Variants in SHISA9 observed in about 807,000 individuals in gnomAD.
SHISA9 encodes the protein protein shisa-9.
Under a neutral mutation model 38.0 loss-of-function variants are expected in SHISA9, and 13 were observed. The ratio of observed to expected loss-of-function variants is 0.34; its 90% confidence interval spans 0.22 to 0.54. SHISA9 has a LOEUF of 0.54. SHISA9 is among the 20% of genes least tolerant of loss of function. The probability of loss-of-function intolerance (pLI) is 0.91; values close to 1 mark genes in which losing one functional copy is unlikely to be tolerated. For missense variants in SHISA9, 538 were observed against 575.8 expected, an observed-to-expected ratio of 0.93 and a Z score of 0.67; for synonymous variants, 275 against 242.0, an observed-to-expected ratio of 1.14 and a Z score of -1.27.
At chr16:13,493,939 A>G in the SHISA9 span, among the ~76,000 whole-genome samples, 40,184 of 150,610 alleles carry the variant, frequency 0.27, 5,711 homozygotes, top group East Asian at 0.42. Context: ...GACTCAGTTT[A>G]CCCCAAGGGC....
At chr16:13,007,735 C>A (rs1302171280) in intron 2 of SHISA9, among the ~76,000 whole-genome samples, 1 of 152,190 alleles carries the variant, frequency 6.6e-6, no homozygotes, top group Non-Finnish European at 1.5e-5. Context: ...AGCCTGAAAC[C>A]CTTTGCTTAT....
chr16:13,186,169 G>A (rs909093368), intron 2 of SHISA9, among the ~76,000 whole-genome samples: 10 of 151,516 alleles, frequency 6.6e-5, no homozygotes, highest in African/African-American at 2.4e-4. Context: ...AATAATGCCT[G>A]GTTTATTGAA....
intron 2 of SHISA9, among the ~76,000 whole-genome samples, chr16:13,177,431 C>A (rs1408603646): frequency 6.6e-6 from 1 of 152,102 alleles, no homozygotes; most frequent in Non-Finnish European, 1.5e-5. Context: ...CAAAGTATTG[C>A]CACTGTATAC....
At chr16:13,086,183 C>T (rs2073708117) in intron 2 of SHISA9, among the ~76,000 whole-genome samples, 1 of 151,802 alleles carries the variant, frequency 6.6e-6, no homozygotes, top group Non-Finnish European at 1.5e-5. Flanking sequence ...TGATGAAACC[C>T]TGTCTCTACT....
At chr16:13,531,775 G>A in the SHISA9 span, among the ~76,000 whole-genome samples, 1 of 152,174 alleles carries the variant, frequency 6.6e-6, no homozygotes, top group Non-Finnish European at 1.5e-5. Context: ...GTGGGGCGGT[G>A]TGGGGGGCAG....
At chr16:13,461,772 C>T in the SHISA9 span, among the ~76,000 whole-genome samples, 12 of 151,336 alleles carry the variant, frequency 7.9e-5, no homozygotes, top group African/African-American at 2.9e-4. Flanking sequence ...CGCCACCACG[C>T]CCAGCTAATT....
rs1371990179 is a variant in SHISA9, at chr16:13,235,352, C to G, written c.1218C>G (p.His406Gln). Residue 406 changes from histidine to glutamine, a missense_variant, in exon 5 of 5, where the codon CAC becomes CAG. This residue lies in a region of SHISA9 where 326 missense variants were observed against 305.9 expected (regional missense o/e 1.07). Transcript: ENST00000558583. ...SSDPLGTRPQ[H>Q]YPPPQPYFIT... The stretch of plus-strand genomic sequence containing the variant: ...ACCCCTTGGGAACTCGCCCCCAGCA[C>G]TACCCACCCCCACAGCCATACTTCA... The G allele has an allele frequency of 1.9e-6, 3 of 1,542,870 alleles. No homozygotes were observed. The highest frequency in any genetic ancestry group is 2.6e-6 in the Non-Finnish European group (3 of 1,146,990).
At chr16:13,323,513 G>A in the SHISA9 span, among the ~76,000 whole-genome samples, 12 of 152,272 alleles carry the variant, frequency 7.9e-5, no homozygotes, top group African/African-American at 2.2e-4. Context: ...TCCAAGACTC[G>A]TATTGAAATA....
chr16:13,365,092 C>G, the SHISA9 span, among the ~76,000 whole-genome samples: 3 of 152,138 alleles, frequency 2.0e-5, no homozygotes, highest in Non-Finnish European at 2.9e-5. Context: ...TATTCAGTAC[C>G]TATACCTATA....
At chr16:12,950,549 G>T (rs117919325) in intron 2 of SHISA9, among the ~76,000 whole-genome samples, 1 of 152,074 alleles carries the variant, frequency 6.6e-6, no homozygotes, top group Non-Finnish European at 1.5e-5. Context: ...TAGTACAGCC[G>T]CTGTGGAAAA....
At chr16:13,137,603 A>C (rs779255363) in intron 2 of SHISA9, among the ~76,000 whole-genome samples, 36 of 151,718 alleles carry the variant, frequency 2.4e-4, no homozygotes, top group Non-Finnish European at 3.2e-4. Context: ...CTACAGGTGC[A>C]TGCCACCACG....
chr16:13,154,654 T>C (rs1363401604), intron 2 of SHISA9, among the ~76,000 whole-genome samples: 4 of 152,244 alleles, frequency 2.6e-5, no homozygotes, highest in Non-Finnish European at 5.9e-5. Flanking sequence ...AGCAGCATAA[T>C]CCTGTCTAAT....
At chr16:13,531,232 T>G in the SHISA9 span, among the ~76,000 whole-genome samples, 1 of 152,222 alleles carries the variant, frequency 6.6e-6, no homozygotes, top group Admixed American at 6.5e-5. Flanking sequence ...TTACCACATG[T>G]AAATTGCTTG....
the SHISA9 span, among the ~76,000 whole-genome samples, chr16:13,490,579 C>T: frequency 6.6e-6 from 1 of 152,116 alleles, no homozygotes; most frequent in Non-Finnish European, 1.5e-5. Flanking sequence ...ATACATAAAG[C>T]AAATGAGGAC....
the SHISA9 span, among the ~76,000 whole-genome samples, chr16:13,415,293 A>G: frequency 6.6e-6 from 1 of 152,208 alleles, no homozygotes; most frequent in Admixed American, 6.5e-5. Flanking sequence ...AGAAACATGG[A>G]TGGAGCTGGA....
the SHISA9 span, among the ~76,000 whole-genome samples, chr16:13,348,311 C>A: frequency 2.6e-5 from 4 of 152,184 alleles, no homozygotes; most frequent in African/African-American, 9.6e-5. Context: ...CTCCTTTGAG[C>A]ACCATATTCA....
intron 2 of SHISA9, among the ~76,000 whole-genome samples, chr16:13,139,035 C>T (rs1006589713): frequency 4.6e-5 from 7 of 152,094 alleles, no homozygotes; most frequent in Non-Finnish European, 7.4e-5. Flanking sequence ...TACTAAGTTG[C>T]GAATTAGAGG....
chr16:13,006,888 C>T (rs571396282), intron 2 of SHISA9, among the ~76,000 whole-genome samples: 1 of 152,280 alleles, frequency 6.6e-6, no homozygotes, highest in South Asian at 2.1e-4. Context: ...TCTCTTCAAC[C>T]TCTCTGACCA....
chr16:13,318,918 T>C, the SHISA9 span, among the ~76,000 whole-genome samples: 6 of 152,250 alleles, frequency 3.9e-5, no homozygotes, highest in African/African-American at 1.4e-4. Flanking sequence ...CTCAGAGCTC[T>C]CCACCATGTG....
Sources: gnomAD v4.1 joint callset for allele counts (sites outside exome capture counted in the v4.1 genomes callset) on GRCh38, gnomAD v4.1.1 for gene constraint, gnomAD v4.1.1 regional missense constraint, MANE v1.5 for transcripts, NCBI Gene and HGNC (gene_info 2026-07-23, HGNC 2026-07-21) for gene names.